The following ABLIM1 variants were observed in gnomAD, a reference collection of about 807,000 sequenced individuals.
ABLIM1 encodes actin binding LIM protein 1.
Under a neutral mutation model 107.0 loss-of-function variants are expected in ABLIM1, and 40 were observed. The observed-to-expected ratio is 0.37, with a 90% confidence interval of 0.29 to 0.49. The LOEUF is 0.49. Ranked by LOEUF, ABLIM1 falls within the 20% of genes least tolerant of loss-of-function variation. The pLI, the probability that ABLIM1 is intolerant of heterozygous loss-of-function variation, is 0.97. For synonymous variants in ABLIM1, 357 were observed against 357.3 expected (o/e 1.00, Z 0.01); for missense variants, 857 against 1,008.5 (o/e 0.85, Z 2.04).
At chr10:114,462,544 G>A (rs1022179049) in intron 12 of ABLIM1, among the ~76,000 whole-genome samples, 2 of 152,114 alleles carry the variant, frequency 1.3e-5, no homozygotes, top group Admixed American at 6.5e-5. Flanking sequence ...CTGAGAGTCG[G>A]CTCAAAGAGA....
intron 1 of ABLIM1, among the ~76,000 whole-genome samples, chr10:114,634,973 C>T (rs118086749): frequency 0.012 from 1,801 of 152,358 alleles, 13 homozygotes; most frequent in Non-Finnish European, 0.02. Flanking sequence ...ACATTTTCTA[C>T]TTTACAGCTA....
intron 1 of ABLIM1, among the ~76,000 whole-genome samples, chr10:114,655,193 T>C (rs1218373991): frequency 6.6e-6 from 1 of 152,164 alleles, no homozygotes; most frequent in Non-Finnish European, 1.5e-5. Context: ...GGAGTCAAAT[T>C]CTGGAATGTC....
chr10:114,591,623 A>G (rs1179663854), intron 2 of ABLIM1, among the ~76,000 whole-genome samples: 1 of 151,580 alleles, frequency 6.6e-6, no homozygotes, highest in Non-Finnish European at 1.5e-5. Context: ...TGGGAACCGC[A>G]AAAAAAAATT....
At chr10:114,443,989 T>G in intron 17 of ABLIM1, 40 bp downstream of exon 17, 1 of 1,534,842 alleles carries the variant, frequency 6.5e-7, no homozygotes, top group Admixed American at 1.9e-5. Flanking sequence ...AGCAGGTGGC[T>G]GGCTCTCGAA....
chr10:114,569,226 C>T (rs1243932196), intron 4 of ABLIM1, among the ~76,000 whole-genome samples: 1 of 152,182 alleles, frequency 6.6e-6, no homozygotes, highest in African/African-American at 2.4e-5. Context: ...AGGACACAGC[C>T]ATTCCCATGA....
intron 15 of ABLIM1, among the ~76,000 whole-genome samples, chr10:114,446,291 T>A (rs1344644235): frequency 6.6e-6 from 1 of 152,252 alleles, no homozygotes; most frequent in Non-Finnish European, 1.5e-5. Flanking sequence ...GGTTTTCTTT[T>A]TCTCATCCTT....
At chr10:114,683,049 C>T (rs1314199502) in intron 1 of ABLIM1, among the ~76,000 whole-genome samples, 2 of 152,200 alleles carry the variant, frequency 1.3e-5, no homozygotes, top group African/African-American at 4.8e-5. Flanking sequence ...TAGTTTTCCA[C>T]TCTAAATGTA....
chr10:114,482,914 T>C (rs1321341343), intron 8 of ABLIM1, among the ~76,000 whole-genome samples: 1 of 152,088 alleles, frequency 6.6e-6, no homozygotes, highest in Non-Finnish European at 1.5e-5. Context: ...GCTAACAAAA[T>C]GTAATACTAT....
intron 8 of ABLIM1, among the ~76,000 whole-genome samples, chr10:114,482,793 A>G (rs1422247042): frequency 6.6e-6 from 1 of 152,184 alleles, no homozygotes. Flanking sequence ...GTCTCTCAAG[A>G]TGCTCCAAAT....
At chr10:114,585,970 T>G (rs1396959710) in intron 2 of ABLIM1, among the ~76,000 whole-genome samples, 3 of 152,198 alleles carry the variant, frequency 2.0e-5, no homozygotes, top group African/African-American at 7.2e-5. Context: ...CTTACAGAGA[T>G]GGACAATTAT....
At chr10:114,607,202 A>G (rs944973409) in intron 1 of ABLIM1, among the ~76,000 whole-genome samples, 7 of 152,186 alleles carry the variant, frequency 4.6e-5, no homozygotes, top group African/African-American at 1.4e-4. Context: ...AGCTGGGACT[A>G]CAGGTGTGCA....
intron 12 of ABLIM1, chr10:114,463,126 G>A (rs775233267): frequency 8.0e-5 from 105 of 1,317,934 alleles, no homozygotes; most frequent in South Asian, 8.6e-5. Context: ...CTGCTGGTGC[G>A]CAGGTACGAC....
intron 7 of ABLIM1, among the ~76,000 whole-genome samples, chr10:114,489,276 C>G (rs1435167188): frequency 1.3e-5 from 2 of 152,256 alleles, no homozygotes; most frequent in East Asian, 3.9e-4. Flanking sequence ...CTCGGCCTAC[C>G]AAAGTGTTGA....
intron 1 of ABLIM1, among the ~76,000 whole-genome samples, chr10:114,605,128 G>A (rs1449401383): frequency 6.6e-6 from 1 of 152,124 alleles, no homozygotes; most frequent in Non-Finnish European, 1.5e-5. Flanking sequence ...TAAAGAAATG[G>A]GCTGTTCTTA....
rs772875553 is a variant in ABLIM1, at chr10:114,468,172, G to A, written c.1311+9C>T. 13 of 1,610,922 alleles carry A rather than the reference G, an allele frequency of 8.1e-6. No homozygotes were observed. Among genetic ancestry groups the A allele is most frequent in the Non-Finnish European group, 1.7e-6 (2 of 1,177,272 alleles). On this transcript the variant is annotated intron_variant, in intron 11 of 22. Coordinates refer to ENST00000533213, the MANE Select transcript of ABLIM1 (RefSeq NM_002313.7). ...ACCCATTAAAATGATAAAAAGAAATGGTACTTACTTCTGCTGATGGAGTAG... is the reference window on the plus strand; with the variant it reads ...ACCCATTAAAATGATAAAAAGAAATAGTACTTACTTCTGCTGATGGAGTAG...
At chr10:114,571,123 C>T (rs1449401949) in intron 4 of ABLIM1, among the ~76,000 whole-genome samples, 174 bp downstream of exon 4, 2 of 152,196 alleles carry the variant, frequency 1.3e-5, no homozygotes, top group Non-Finnish European at 2.9e-5. Flanking sequence ...TAACATTGAG[C>T]ACCTTTTCAT....
At chr10:114,791,821 C>G in the ABLIM1 span, among the ~76,000 whole-genome samples, 1 of 152,170 alleles carries the variant, frequency 6.6e-6, no homozygotes. Flanking sequence ...CCCTTACACT[C>G]TAGCTGCTAC....
intron 4 of ABLIM1, among the ~76,000 whole-genome samples, chr10:114,553,897 C>T (rs2068395063): frequency 6.6e-6 from 1 of 152,272 alleles, no homozygotes; most frequent in South Asian, 2.1e-4. Flanking sequence ...ATGGTACCCA[C>T]ATTACTGGGG....
At chr10:114,563,900 T>C (rs1442374950) in intron 4 of ABLIM1, among the ~76,000 whole-genome samples, 1 of 141,576 alleles carries the variant, frequency 7.1e-6, no homozygotes, top group African/African-American at 2.7e-5. Flanking sequence ...TGGAACACAG[T>C]AGGTGCTCAA....
Sources: allele counts gnomAD v4.1 joint callset (sites outside exome capture counted in the v4.1 genomes callset), GRCh38; gene constraint gnomAD v4.1.1; transcripts MANE v1.5; gene names NCBI Gene and HGNC (gene_info 2026-07-23, HGNC 2026-07-21).